EXOC6B: variants seen among roughly 807,000 people sequenced by gnomAD.
EXOC6B encodes the protein SEC15 homolog B.
EXOC6B carries 54 observed loss-of-function variants against 113.5 expected under a neutral mutation model. The ratio of observed to expected loss-of-function variants is 0.48; its 90% confidence interval spans 0.38 to 0.60. The LOEUF (loss-of-function observed/expected upper bound fraction) is 0.60, where lower values mean the gene tolerates loss of function less well. EXOC6B is among the 20% of genes least tolerant of loss of function. The pLI, the probability that EXOC6B is intolerant of heterozygous loss-of-function variation, is 0.00. For synonymous variants in EXOC6B, 357 were observed against 339.0 expected, an observed-to-expected ratio of 1.05 and a Z score of -0.58; for missense variants, 797 against 977.5, an observed-to-expected ratio of 0.82 and a Z score of 2.46.
At chr2:72,733,926 A>G (rs139465265) in intron 2 of EXOC6B, among the ~76,000 whole-genome samples, 121 of 152,288 alleles carry the variant, frequency 7.9e-4, no homozygotes, top group Non-Finnish European at 1.5e-3. Flanking sequence ...ATTTCCTATT[A>G]TGTCCCTTAG....
At chr2:72,416,427 C>CT (rs1694527680) in intron 18 of EXOC6B, among the ~76,000 whole-genome samples, 1 of 152,068 alleles carries the variant, frequency 6.6e-6, no homozygotes, top group Non-Finnish European at 1.5e-5. Flanking sequence ...AGTTAGTTGC[C>CT]CCTCAAATAT....
At chr2:72,782,030 C>A (rs1211319390) in intron 1 of EXOC6B, among the ~76,000 whole-genome samples, 1 of 151,276 alleles carries the variant, frequency 6.6e-6, no homozygotes, top group Non-Finnish European at 1.5e-5. Flanking sequence ...ATCCCAGCTA[C>A]TCAAGAAGCT....
At chr2:72,563,357 T>C (rs931584355) in intron 7 of EXOC6B, among the ~76,000 whole-genome samples, 4 of 152,180 alleles carry the variant, frequency 2.6e-5, no homozygotes, top group Non-Finnish European at 5.9e-5. Context: ...ATGGCTAATC[T>C]GTTCGTTTCA....
At chr2:72,823,459 G>GAAAAAAAAAAAAAAAAAAAAAAA (rs1237385156) in intron 1 of EXOC6B, among the ~76,000 whole-genome samples, 1 of 70,028 alleles carries the variant, frequency 1.4e-5, no homozygotes, top group Non-Finnish European at 2.3e-5. Context: ...AAAGTTTTAA[G>GAAAAAAAAAAAAAAAAAAAAAAA]AAAAAAAAAA....
At chr2:72,518,887 T>C (rs1480806550) in intron 8 of EXOC6B, among the ~76,000 whole-genome samples, 2 of 152,126 alleles carry the variant, frequency 1.3e-5, no homozygotes, top group Non-Finnish European at 2.9e-5. Flanking sequence ...ATCTGAGACG[T>C]ATTTAGGAGG....
intron 18 of EXOC6B, among the ~76,000 whole-genome samples, chr2:72,403,980 C>T (rs376159202): frequency 5.3e-5 from 8 of 152,128 alleles, no homozygotes; most frequent in African/African-American, 1.9e-4. Context: ...GGGTGACAGA[C>T]GGCACCTGGA....
chr2:72,423,326 A>T (rs1287020731), intron 18 of EXOC6B, among the ~76,000 whole-genome samples: 7 of 152,150 alleles, frequency 4.6e-5, no homozygotes, highest in Non-Finnish European at 1.0e-4. Context: ...TGTAACACTC[A>T]CCGCGAGGGT....
chr2:72,645,084 G>A (rs1014647701), intron 6 of EXOC6B, among the ~76,000 whole-genome samples: 2 of 152,058 alleles, frequency 1.3e-5, no homozygotes, highest in Admixed American at 1.3e-4. Context: ...ACAAAAGGAT[G>A]GAGAAAGATT....
chr2:72,176,210 A>T lies in EXOC6B; in HGVS notation c.*3125T>A, dbSNP rs1677719110. The stretch of plus-strand genomic sequence containing the variant: ...ATATGTGCAACTATCTGTGTAAAAT[A>T]AAAATGCCATTTCCAACACCTTTGT... On this transcript the variant is annotated 3_prime_UTR_variant, in exon 22 of 22. Coordinates refer to ENST00000272427, the MANE Select transcript of EXOC6B (RefSeq NM_015189.3). 6.6e-6 allele frequency: 1 copy of T among 152,142 alleles called. No individual in the cohort carries two copies. The allele number at this position is 152,142 out of a possible 1,614,324, so 9.4% of individuals were successfully genotyped here.
intron 18 of EXOC6B, among the ~76,000 whole-genome samples, chr2:72,407,652 C>A (rs554903938): frequency 4.6e-5 from 7 of 152,252 alleles, no homozygotes; most frequent in South Asian, 2.1e-4. Flanking sequence ...AGGCCTTTGA[C>A]AAAATTCAAC....
intron 20 of EXOC6B, among the ~76,000 whole-genome samples, chr2:72,303,282 C>CT (rs2104762104): frequency 6.6e-6 from 1 of 152,094 alleles, no homozygotes; most frequent in South Asian, 2.1e-4. Context: ...CTGTTGGCCT[C>CT]CATAGTGAGG....
intron 8 of EXOC6B, among the ~76,000 whole-genome samples, chr2:72,522,959 A>G (rs992579076): frequency 9.2e-5 from 14 of 152,304 alleles, no homozygotes; most frequent in African/African-American, 3.4e-4. Flanking sequence ...AACTGTCACC[A>G]TACAAATGCT....
intron 19 of EXOC6B, 140 bp from the exon 20 acceptor site, chr2:72,335,160 G>C (rs1688622421): frequency 1.4e-6 from 1 of 698,330 alleles, no homozygotes; most frequent in African/African-American, 1.8e-5. Flanking sequence ...TCTCCCTTCA[G>C]CTTCTTTGTT....
At chr2:72,385,950 G>A (rs985915475) in intron 18 of EXOC6B, among the ~76,000 whole-genome samples, 8 of 152,080 alleles carry the variant, frequency 5.3e-5, no homozygotes, top group Non-Finnish European at 1.0e-4. Flanking sequence ...AAAACAGTAC[G>A]GAAGTTCCTC....
At chr2:72,541,822 C>A (rs922994099) in intron 8 of EXOC6B, among the ~76,000 whole-genome samples, 3 of 152,098 alleles carry the variant, frequency 2.0e-5, no homozygotes, top group African/African-American at 7.2e-5. Context: ...TTTTTCATTT[C>A]ATTCTCGTAG....
At chr2:72,367,483 T>C (rs1262329101) in intron 19 of EXOC6B, among the ~76,000 whole-genome samples, 1 of 152,170 alleles carries the variant, frequency 6.6e-6, no homozygotes, top group African/African-American at 2.4e-5. Flanking sequence ...ATTACATCAT[T>C]TGTCTGATTC....
intron 20 of EXOC6B, among the ~76,000 whole-genome samples, chr2:72,325,353 G>A (rs1386544623): frequency 6.6e-6 from 1 of 152,036 alleles, no homozygotes; most frequent in Non-Finnish European, 1.5e-5. Context: ...TGTTCCCTTT[G>A]CAGATATGTA....
At chr2:72,308,785 T>A (rs1687029937) in intron 20 of EXOC6B, among the ~76,000 whole-genome samples, 1 of 152,142 alleles carries the variant, frequency 6.6e-6, no homozygotes, top group African/African-American at 2.4e-5. Flanking sequence ...ACATTTCCCA[T>A]CTTAACAGGC....
intron 6 of EXOC6B, among the ~76,000 whole-genome samples, chr2:72,630,677 AC>A (rs989279362): frequency 2.8e-4 from 42 of 152,194 alleles, no homozygotes; most frequent in Non-Finnish European, 5.9e-5. Context: ...AGAAAAAAAA[AC>A]TTTCTACATT....
Sources: gnomAD v4.1 joint callset for allele counts (sites outside exome capture counted in the v4.1 genomes callset) on GRCh38, gnomAD v4.1.1 for gene constraint, MANE v1.5 for transcripts, NCBI Gene and HGNC (gene_info 2026-07-23, HGNC 2026-07-21) for gene names.